TSPAN12: variants seen among roughly 807,000 people sequenced by gnomAD.
TSPAN12 encodes the protein tetraspanin-12.
Under a neutral mutation model 39.2 loss-of-function variants are expected in TSPAN12, and 19 were observed. The observed-to-expected ratio is 0.49, with a 90% CI of 0.34 to 0.71. TSPAN12 has a LOEUF of 0.71. TSPAN12 is among the 30% of genes least tolerant of loss of function. The probability of loss-of-function intolerance (pLI) is 0.01; values close to 1 mark genes in which losing one functional copy is unlikely to be tolerated. For synonymous variants in TSPAN12, 119 were observed against 124.8 expected, an observed-to-expected ratio of 0.95 and a Z score of 0.31; for missense variants, 314 against 359.9, an observed-to-expected ratio of 0.87 and a Z score of 1.03.
intron 4 of TSPAN12, among the ~76,000 whole-genome samples, chr7:120,822,334 C>A (rs1794203054): frequency 6.6e-6 from 1 of 151,784 alleles, no homozygotes; most frequent in Non-Finnish European, 1.5e-5. Flanking sequence ...TCCCTGATAC[C>A]ACCACCCCCT....
chr7:120,817,992 A>C (rs1295239507), intron 4 of TSPAN12, among the ~76,000 whole-genome samples: 1 of 152,164 alleles, frequency 6.6e-6, no homozygotes, highest in Non-Finnish European at 1.5e-5. Context: ...ACTGGGAGCT[A>C]CCTTGGACTG....
chr7:120,830,158 CAAAT>C lies in TSPAN12; in HGVS notation c.285+8615_285+8618del, dbSNP rs138132683. The stretch of plus-strand genomic sequence containing the variant: ...TGAAAGAAATTGAAGATGACACAAA[CAAAT>C]AGAAAGATATCCCATGTTTATGGAT... On this transcript the variant is annotated intron_variant, in intron 4 of 7. Transcript: ENST00000222747. Among the ~76,000 whole-genome samples, 1,201 of 152,066 alleles carry C rather than the reference CAAAT, an allele frequency of 7.9e-3. 16 individuals carry two copies. The highest frequency in any genetic ancestry group is 0.026 in the African/African-American group (1,084 of 41,514).
chr7:120,815,839 C>T (rs1223079515), intron 4 of TSPAN12, 36 bp from the exon 5 acceptor site: 21 of 1,577,020 alleles, frequency 1.3e-5, no homozygotes, highest in African/African-American at 2.7e-5. Context: ...GTTATAGTAT[C>T]AGAATAAAAT....
chr7:120,788,656 C>A lies in TSPAN12; in HGVS notation c.854G>T (p.Arg285Ile). Residue 285 changes from arginine to isoleucine, a missense_variant, in exon 8 of 8, where the codon AGA becomes ATA. Coordinates refer to ENST00000222747, the MANE Select transcript of TSPAN12 (RefSeq NM_012338.4). ...TGCCATGGATGTGTGTTCAAAGATTCTTGACAGGCTTGGTTTCAACAGTTC... is the reference window on the plus strand; with the variant it reads ...TGCCATGGATGTGTGTTCAAAGATTATTGACAGGCTTGGTTTCAACAGTTC... ...SVELLKPSLS[R>I]IFEHTSMANS... The A allele has an allele frequency of 6.2e-7, 1 of 1,614,090 alleles. No individual in the cohort carries two copies. The highest frequency in any genetic ancestry group is 1.3e-5 in the African/African-American group (1 of 75,032).
intron 6 of TSPAN12, among the ~76,000 whole-genome samples, chr7:120,809,386 G>GT (rs1291257993): frequency 2.0e-5 from 3 of 152,026 alleles, no homozygotes; most frequent in Admixed American, 2.0e-4. Context: ...TCTTTGTGTT[G>GT]TTTTTAGCAC....
intron 7 of TSPAN12, among the ~76,000 whole-genome samples, chr7:120,802,902 G>C (rs1793801172): frequency 6.6e-6 from 1 of 152,054 alleles, no homozygotes; most frequent in South Asian, 2.1e-4. Flanking sequence ...AAATATTATT[G>C]GGTCAGGGAC....
intron 7 of TSPAN12, among the ~76,000 whole-genome samples, chr7:120,804,843 G>T (rs1793838554): frequency 6.6e-6 from 1 of 152,030 alleles, no homozygotes; most frequent in Admixed American, 6.6e-5. Flanking sequence ...CACAGACAAG[G>T]AAAACACCAT....
At chr7:120,853,872 C>CAAA (rs749642006) in intron 2 of TSPAN12, among the ~76,000 whole-genome samples, 1 of 97,766 alleles carries the variant, frequency 1.0e-5, no homozygotes, top group African/African-American at 3.8e-5. Context: ...GACTCCGTCC[C>CAAA]AAAAAAAAAA....
At chr7:120,810,359 AT>A in intron 6 of TSPAN12, 103 bp downstream of exon 6, 1 of 786,982 alleles carries the variant, frequency 1.3e-6, no homozygotes, top group Non-Finnish European at 2.2e-6. Flanking sequence ...CACAGGCTTA[AT>A]TTTTCAGCAC....
At chr7:120,814,091 G>A (rs1471315556) in intron 5 of TSPAN12, 1 of 404,894 alleles carries the variant, frequency 2.5e-6, no homozygotes. Context: ...CATGTAAATT[G>A]GAGTGTGCAG....
intron 7 of TSPAN12, among the ~76,000 whole-genome samples, chr7:120,799,570 T>A (rs181946207): frequency 0.13 from 14,205 of 107,720 alleles, 1,302 homozygotes; most frequent in African/African-American, 0.27. Flanking sequence ...ATATAATTAT[T>A]TATATAATTA....
intron 7 of TSPAN12, among the ~76,000 whole-genome samples, chr7:120,793,986 C>T (rs1793582616): frequency 6.6e-6 from 1 of 152,106 alleles, no homozygotes. Flanking sequence ...ATGATTGTAC[C>T]TCCTTTTCAC....
chr7:120,806,832 T>A lies in TSPAN12; in HGVS notation c.469-140A>T, dbSNP rs118119213. On this transcript the variant is annotated intron_variant, in intron 6 of 7. Coordinates refer to ENST00000222747, the MANE Select transcript of TSPAN12 (RefSeq NM_012338.4). Reference sequence around the variant, plus strand: ...CCTAATGATATATGTACAGTCTATGTTGATGATAGAAATGTAGTAAAGGAA... The same window carrying A: ...CCTAATGATATATGTACAGTCTATGATGATGATAGAAATGTAGTAAAGGAA... The A allele has an allele frequency of 2.8e-6, 3 of 1,065,970 alleles. No homozygotes were observed. The African/African-American group carries it at 4.8e-5, about 17-fold the overall frequency. 66.0% of individuals were successfully genotyped at this position (1,065,970 alleles called of 1,614,324 possible).
Position 120,788,470 on chromosome 7 carries a change from G to A in TSPAN12, c.*122C>T, listed in dbSNP as rs1793451161. Reference sequence around the variant, plus strand: ...CATTTTAAAGCATAGAATAGTATATGCTTAGGTGTTATTTTATGGCAACAT... The same window carrying A: ...CATTTTAAAGCATAGAATAGTATATACTTAGGTGTTATTTTATGGCAACAT... On this transcript the variant is annotated 3_prime_UTR_variant, in exon 8 of 8. Transcript: ENST00000222747. 1.7e-6 allele frequency: 2 copies of A among 1,185,152 alleles called. No individual in the cohort carries two copies. The highest frequency in any genetic ancestry group is 2.3e-5 in the East Asian group (1 of 42,842). 73.4% of individuals were successfully genotyped at this position (1,185,152 alleles called of 1,614,324 possible). A position where few individuals can be genotyped will look rare whatever the true frequency, so the allele number is the denominator to read the frequency against.
At position 120,806,546 on chromosome 7, in the gene TSPAN12, C is replaced by T. The variant is rs527925168; in HGVS notation, c.612+3G>A. ...ATAATAAATTAACCATATATGGCCT[C>T]ACCTCTTGATAAAGGTCACTGAGAT... On this transcript the variant is annotated splice_donor_region_variant and intron_variant, in intron 7 of 7. Transcript: ENST00000222747. The T allele has an allele frequency of 3.1e-6, 5 of 1,612,866 alleles. No homozygotes were observed. Among genetic ancestry groups the T allele is most frequent in the Non-Finnish European group, 4.2e-6 (5 of 1,179,214 alleles).
In TSPAN12 at chr7:120,835,128, G is replaced by A. The variant is rs547472994; in HGVS notation, c.285+3649C>T. On this transcript the variant is annotated intron_variant, in intron 4 of 7. Coordinates refer to ENST00000222747, the MANE Select transcript of TSPAN12 (RefSeq NM_012338.4). Reference sequence around the variant, plus strand: ...GTGAATGGTTCATATTACTGAAGTTGTTTGTAGTCTGGTAGTCTGGGCTGA... The same window carrying A: ...GTGAATGGTTCATATTACTGAAGTTATTTGTAGTCTGGTAGTCTGGGCTGA... 1.6e-4 allele frequency among the ~76,000 whole-genome samples: 25 copies of A among 152,308 alleles called. 1 individual carries two copies. Among genetic ancestry groups the A allele is most frequent in the African/African-American group, 6.0e-4 (25 of 41,554 alleles).
chr7:120,853,624 C>T (rs967592446), intron 2 of TSPAN12, among the ~76,000 whole-genome samples: 1 of 150,256 alleles, frequency 6.7e-6, no homozygotes, highest in Non-Finnish European at 1.5e-5. Context: ...CCTGTAATCC[C>T]AGCACTTTGA....
intron 4 of TSPAN12, among the ~76,000 whole-genome samples, chr7:120,818,466 G>A (rs1056395878): frequency 6.6e-5 from 10 of 152,012 alleles, no homozygotes; most frequent in Admixed American, 5.9e-4. Context: ...TGAGCCATTA[G>A]CATTCAAACT....
chr7:120,836,566 A>C (rs1049226769), intron 4 of TSPAN12, among the ~76,000 whole-genome samples: 1 of 152,180 alleles, frequency 6.6e-6, no homozygotes, highest in Non-Finnish European at 1.5e-5. Context: ...CTGAGCTCAG[A>C]GTTCTTCCTC....
Sources: gnomAD v4.1 joint callset for allele counts (sites outside exome capture counted in the v4.1 genomes callset) on GRCh38, gnomAD v4.1.1 for gene constraint, MANE v1.5 for transcripts, NCBI Gene and HGNC (gene_info 2026-07-23, HGNC 2026-07-21) for gene names.